ANKFN1: variants seen among roughly 807,000 people sequenced by gnomAD.
ANKFN1 encodes ankyrin repeat and fibronectin type III domain containing 1.
In ANKFN1, 74 loss-of-function variants were observed where a neutral mutation model predicts 108.7. The ratio of observed to expected loss-of-function variants is 0.68; its 90% CI spans 0.56 to 0.83. The LOEUF (loss-of-function observed/expected upper bound fraction) is 0.83, where lower values mean the gene tolerates loss of function less well. Ranked by LOEUF, ANKFN1 falls within the 40% of genes least tolerant of loss-of-function variation. The pLI is 0.00. For missense variants in ANKFN1, 1,505 were observed against 1,382.3 expected, an observed-to-expected ratio of 1.09 and a Z score of -1.41; for synonymous variants, 547 against 516.2, an observed-to-expected ratio of 1.06 and a Z score of -0.81.
intron 6 of ANKFN1, among the ~76,000 whole-genome samples, chr17:56,360,194 G>T (rs1250324913): frequency 6.6e-6 from 1 of 152,032 alleles, no homozygotes; most frequent in Non-Finnish European, 1.5e-5. Flanking sequence ...TTACAAATCT[G>T]TTCTTATACT....
At chr17:56,424,204 A>G (rs1183075263) in intron 8 of ANKFN1, among the ~76,000 whole-genome samples, 1 of 152,244 alleles carries the variant, frequency 6.6e-6, no homozygotes, top group Non-Finnish European at 1.5e-5. Context: ...GCACTGATCT[A>G]TAGAACTGTA....
At chr17:56,059,836 G>C (rs1287392806) in intron 4 of ANKFN1, among the ~76,000 whole-genome samples, 1 of 152,144 alleles carries the variant, frequency 6.6e-6, no homozygotes, top group Non-Finnish European at 1.5e-5. Flanking sequence ...CTGTAGCCTT[G>C]TAGTATAGTT....
intron 8 of ANKFN1, among the ~76,000 whole-genome samples, chr17:56,398,855 T>C (rs1031349957): frequency 2.6e-5 from 4 of 152,292 alleles, no homozygotes; most frequent in Non-Finnish European, 5.9e-5. Context: ...TGAGATAATA[T>C]GTTATAATGC....
chr17:56,200,267 A>G (rs1193720503), intron 1 of ANKFN1, among the ~76,000 whole-genome samples: 1 of 152,244 alleles, frequency 6.6e-6, no homozygotes. Context: ...AATTCAGAAG[A>G]TAAGTGAGTA....
intron 4 of ANKFN1, among the ~76,000 whole-genome samples, chr17:56,062,559 C>CTTTTTTTT (rs3085080): frequency 1.5e-5 from 2 of 134,512 alleles, no homozygotes; most frequent in Non-Finnish European, 3.1e-5. Context: ...GTAATCTCTG[C>CTTTTTTTT]TTTTTTTTTT....
chr17:56,370,411 G>A (rs1017426987), intron 6 of ANKFN1, among the ~76,000 whole-genome samples: 3 of 152,196 alleles, frequency 2.0e-5, no homozygotes, highest in Non-Finnish European at 4.4e-5. Context: ...ATTCACACCA[G>A]TAATAACTGT....
intron 4 of ANKFN1, among the ~76,000 whole-genome samples, chr17:56,096,367 C>A (rs570062013): frequency 5.3e-5 from 8 of 152,278 alleles, no homozygotes; most frequent in African/African-American, 1.9e-4. Context: ...CCTCTGCCCA[C>A]CCCAAATAGT....
chr17:56,094,519 CGCCAGGCT>C (rs60704704), intron 4 of ANKFN1, among the ~76,000 whole-genome samples: 23,752 of 112,768 alleles, frequency 0.21, 4,603 homozygotes, highest in African/African-American at 0.49. Context: ...CTTGTTTTGT[CGCCAGGCT>C]GCCAGGCTGC....
intron 20 of ANKFN1, among the ~76,000 whole-genome samples, chr17:56,509,251 TTCTC>T (rs1376727459): frequency 2.0e-5 from 3 of 152,190 alleles, no homozygotes; most frequent in Non-Finnish European, 4.4e-5. Context: ...ACAAGATACT[TTCTC>T]TCTTGTGTGA....
chr17:56,076,283 T>C (rs936729069), intron 4 of ANKFN1, among the ~76,000 whole-genome samples: 1 of 152,220 alleles, frequency 6.6e-6, no homozygotes, highest in Non-Finnish European at 1.5e-5. Flanking sequence ...GCTGCTACTA[T>C]ACCAGAGATG....
chr17:56,332,154 G>A (rs1278509052), intron 4 of ANKFN1, among the ~76,000 whole-genome samples: 1 of 152,112 alleles, frequency 6.6e-6, no homozygotes, highest in African/African-American at 2.4e-5. Flanking sequence ...GGCTGCTGCA[G>A]CTACTGTCAC....
At chr17:56,214,263 C>T (rs191210254) in intron 2 of ANKFN1, among the ~76,000 whole-genome samples, 4 of 152,086 alleles carry the variant, frequency 2.6e-5, no homozygotes, top group Admixed American at 2.0e-4. Flanking sequence ...TTAGAGGAAC[C>T]AAATGTGCGT....
chr17:56,510,543 C>T lies in ANKFN1; in HGVS notation c.2715C>T (p.Ser905=). The change falls in exon 21 of 21, where the codon TCC becomes TCT. Residue 905 remains serine, a synonymous_variant. Coordinates refer to ENST00000682825, the MANE Select transcript of ANKFN1 (RefSeq NM_001370326.1). ...VFLPTNSDYD[S]SDALSPRDLD... ...TCCCCACCAACAGTGACTACGACTC[C>T]AGCGATGCCCTGAGCCCCAGAGACC... 1 of 1,536,210 alleles carries T rather than the reference C, an allele frequency of 6.5e-7. No homozygotes were observed. Among genetic ancestry groups the T allele is most frequent in the Non-Finnish European group, 8.7e-7 (1 of 1,146,928 alleles).
At chr17:56,169,745 T>C (rs1910480954) in intron 1 of ANKFN1, among the ~76,000 whole-genome samples, 1 of 152,154 alleles carries the variant, frequency 6.6e-6, no homozygotes, top group African/African-American at 2.4e-5. Context: ...GAGGGCTTAG[T>C]GTAGAGATGT....
At chr17:56,325,325 G>A (rs1007180834) in intron 3 of ANKFN1, among the ~76,000 whole-genome samples, 7 of 112,106 alleles carry the variant, frequency 6.2e-5, no homozygotes, top group African/African-American at 1.6e-4. Flanking sequence ...GCTATCAATC[G>A]GCAAGTCCCA....
intron 8 of ANKFN1, among the ~76,000 whole-genome samples, chr17:56,396,194 A>C (rs1178673453): frequency 1.3e-5 from 2 of 152,184 alleles, no homozygotes; most frequent in Non-Finnish European, 2.9e-5. Flanking sequence ...CACACCTGTA[A>C]TCCCAACACT....
In ANKFN1 at chr17:56,134,263, T is replaced by C. The variant is rs550270541; in HGVS notation, c.288+87938T>C. On this transcript the variant is annotated intron_variant, in intron 4 of 12. Coordinates refer to the ANKFN1 transcript ENST00000635860. ...CCTATGGAATTGGGGTGTGCTGTGC[T>C]ACTGGCACATGGATGCATTTGCCAA... Among the ~76,000 whole-genome samples the C allele has an allele frequency of 3.9e-5, 6 of 152,320 alleles. No individual in the cohort carries two copies. In the East Asian group the frequency reaches 9.6e-4, roughly 24 times the overall value.
intron 3 of ANKFN1, among the ~76,000 whole-genome samples, chr17:56,229,184 T>A (rs1020769199): frequency 3.3e-5 from 5 of 152,156 alleles, no homozygotes; most frequent in African/African-American, 1.2e-4. Context: ...TGATATTTTT[T>A]AAAATGTCAG....
intron 4 of ANKFN1, among the ~76,000 whole-genome samples, chr17:56,120,979 T>G (rs1488741778): frequency 6.6e-6 from 1 of 152,160 alleles, no homozygotes. Context: ...ATTTTTCCCA[T>G]TTCCCTGACA....
Sources: gnomAD v4.1 joint callset for allele counts (sites outside exome capture counted in the v4.1 genomes callset) on GRCh38, gnomAD v4.1.1 for gene constraint, MANE v1.5 for transcripts, NCBI Gene and HGNC (gene_info 2026-07-23, HGNC 2026-07-21) for gene names.